Variants in ALX1 observed in about 807,000 individuals in gnomAD.
ALX1 encodes ALX homeobox 1.
In ALX1, 19 loss-of-function variants were observed where a neutral mutation model predicts 31.7. That is an observed-to-expected ratio of 0.60 (90% CI 0.42 to 0.88). The LOEUF (loss-of-function observed/expected upper bound fraction) is 0.88. ALX1 is among the 40% of genes least tolerant of loss of function. ALX1 has a pLI of 0.00. For missense variants in ALX1, 415 were observed against 407.8 expected (o/e 1.02, Z -0.15); for synonymous variants, 153 against 148.8 (o/e 1.03, Z -0.20).
At chr12:85,283,428 G>C (rs890503702) in intron 1 of ALX1, 144 bp from the exon 2 acceptor site, 5 of 829,306 alleles carry the variant, frequency 6.0e-6, no homozygotes, top group Non-Finnish European at 9.7e-6. Flanking sequence ...ATTAAGTATA[G>C]AAATGTGGTA....
chr12:85,283,938 G>C (rs1324078988), intron 2 of ALX1, 62 bp downstream of exon 2: 24 of 1,562,060 alleles, frequency 1.5e-5, no homozygotes, highest in Non-Finnish European at 1.8e-6. Context: ...TAGAATAATT[G>C]AATAAGTGCA....
At chr12:85,292,537 G>A (rs186923340) in intron 3 of ALX1, among the ~76,000 whole-genome samples, 154 of 151,126 alleles carry the variant, frequency 1.0e-3, no homozygotes, top group African/African-American at 3.3e-3. Flanking sequence ...ATTTGAACAC[G>A]CCAAGAGGTA....
intron 2 of ALX1, among the ~76,000 whole-genome samples, 179 bp downstream of exon 2, chr12:85,284,055 C>T (rs932215421): frequency 2.0e-5 from 3 of 151,998 alleles, no homozygotes; most frequent in Non-Finnish European, 4.4e-5. Flanking sequence ...AAAATTTTGA[C>T]AACTCACGCA....
At chr12:85,288,543 A>G (rs1256792964) in intron 3 of ALX1, among the ~76,000 whole-genome samples, 1 of 151,390 alleles carries the variant, frequency 6.6e-6, no homozygotes, top group Non-Finnish European at 1.5e-5. Context: ...TTTCCCCTCT[A>G]GGCTGCAAGC....
intron 3 of ALX1, among the ~76,000 whole-genome samples, chr12:85,295,831 C>T (rs1219689903): frequency 6.6e-6 from 1 of 151,506 alleles, no homozygotes; most frequent in Non-Finnish European, 1.5e-5. Flanking sequence ...GTTAAATAAA[C>T]TTATTTTAGT....
intron 3 of ALX1, among the ~76,000 whole-genome samples, chr12:85,291,020 T>G (rs1164623497): frequency 2.0e-5 from 3 of 151,214 alleles, no homozygotes; most frequent in Non-Finnish European, 3.0e-5. Context: ...TGAGTAATAG[T>G]ACAGGTTCAC....
chr12:85,300,781 GAC>G (rs1038508123), intron 3 of ALX1, among the ~76,000 whole-genome samples: 1 of 151,918 alleles, frequency 6.6e-6, no homozygotes, highest in African/African-American at 2.4e-5. Context: ...TGTTTAGAAA[GAC>G]AAAAACTATC....
At chr12:85,291,822 T>G (rs1896822827) in intron 3 of ALX1, among the ~76,000 whole-genome samples, 2 of 151,024 alleles carry the variant, frequency 1.3e-5, no homozygotes, top group South Asian at 4.1e-4. Context: ...ACTACAGAGG[T>G]GAATCCTGGG....
chr12:85,286,836 T>C lies in ALX1; in HGVS notation c.532-17T>C, dbSNP rs189121824. 5,039 of 1,561,024 alleles carry C rather than the reference T, an allele frequency of 3.2e-3. 12 individuals carry two copies. The highest frequency in any genetic ancestry group is 3.7e-3 in the Non-Finnish European group (4,226 of 1,149,230). On this transcript the variant is annotated splice_polypyrimidine_tract_variant and intron_variant, in intron 2 of 3. Coordinates refer to ENST00000316824, the MANE Select transcript of ALX1 (RefSeq NM_006982.3). ...AATATTCCTTAGCTAAAATTCTAATTTTTATTAAATAATTAGGTTTGGTTT... is the reference window on the plus strand; with the variant it reads ...AATATTCCTTAGCTAAAATTCTAATCTTTATTAAATAATTAGGTTTGGTTT...
At chr12:85,294,937 A>G (rs1896867756) in intron 3 of ALX1, among the ~76,000 whole-genome samples, 1 of 151,336 alleles carries the variant, frequency 6.6e-6, no homozygotes, top group Non-Finnish European at 1.5e-5. Flanking sequence ...TTAATAATAT[A>G]TATTGGAAAA....
chr12:85,291,615 C>T lies in ALX1; in HGVS notation c.660+4634C>T, dbSNP rs143901040. The stretch of plus-strand genomic sequence containing the variant: ...TGTTCTTAGGTTTGGATTACATGAG[C>T]ATTGACATTATTATCTAGATAGATA... On this transcript the variant is annotated intron_variant, in intron 3 of 3. Coordinates refer to ENST00000316824, the MANE Select transcript of ALX1 (RefSeq NM_006982.3). 5.3e-3 allele frequency among the ~76,000 whole-genome samples: 800 copies of T among 151,196 alleles called. 4 individuals are homozygous for T. The highest frequency in any genetic ancestry group is 0.019 in the African/African-American group (778 of 41,426).
chr12:85,301,612 AT>A lies in ALX1; in HGVS notation c.*138del, dbSNP rs1896968313. ...TATTCAGTGAGACCAGCTTAAATGAATAGTTGTTATTTAACATTAAAATCTA... is the reference window on the plus strand; with the variant it reads ...TATTCAGTGAGACCAGCTTAAATGAAAGTTGTTATTTAACATTAAAATCTA... On this transcript the variant is annotated 3_prime_UTR_variant, in exon 4 of 4. Transcript: ENST00000316824. The A allele has an allele frequency of 1.1e-6, 1 of 870,948 alleles. No homozygotes were observed. Among genetic ancestry groups the A allele is most frequent in the Non-Finnish European group, 1.8e-6 (1 of 564,304 alleles). The allele number at this position is 870,948 out of a possible 1,614,324, so 54.0% of individuals were successfully genotyped here.
In ALX1 at chr12:85,281,068, A is replaced by G. The variant is rs141010192; in HGVS notation, c.226+581A>G. Among the ~76,000 whole-genome samples the G allele has an allele frequency of 1.4e-3, 206 of 151,732 alleles. 1 individual carries two copies. Among genetic ancestry groups the G allele is most frequent in the African/African-American group, 4.9e-3 (202 of 40,996 alleles). On this transcript the variant is annotated intron_variant, in intron 1 of 3. Transcript: ENST00000316824. Reference sequence around the variant, plus strand: ...ATCCCTAGATTTCTAGCGTGTGTGAATTTGTAATTTCTGCTTTTTTTTGCG... The same window carrying G: ...ATCCCTAGATTTCTAGCGTGTGTGAGTTTGTAATTTCTGCTTTTTTTTGCG...
intron 3 of ALX1, among the ~76,000 whole-genome samples, chr12:85,295,422 AGT>A (rs1896874860): frequency 1.3e-5 from 2 of 151,602 alleles, no homozygotes; most frequent in South Asian, 4.1e-4. Flanking sequence ...CCCAGAAATC[AGT>A]GTTTTCATTT....
rs753895342 is a variant in ALX1 at position 85,280,534 on chromosome 12, T to A, written c.226+47T>A. 8.2e-6 allele frequency: 13 copies of A among 1,586,476 alleles called. No individual in the cohort carries two copies. In the South Asian group the frequency reaches 1.3e-4, roughly 16 times the overall value. ...CGGAGCCGCCGCAGCCCTTCCGCAA[T>A]CGAAAATGCAGGATCGGTCTGATCA... On this transcript the variant is annotated intron_variant, in intron 1 of 3. Coordinates refer to ENST00000316824, the MANE Select transcript of ALX1 (RefSeq NM_006982.3).
At chr12:85,289,860 T>C (rs1431803462) in intron 3 of ALX1, among the ~76,000 whole-genome samples, 1 of 150,142 alleles carries the variant, frequency 6.7e-6, no homozygotes, top group Non-Finnish European at 1.5e-5. Context: ...AAATGAAATG[T>C]TTTTTTTATC....
intron 3 of ALX1, among the ~76,000 whole-genome samples, chr12:85,289,777 TATATACAAG>T (rs1448339850): frequency 3.0e-4 from 45 of 151,374 alleles, no homozygotes; most frequent in African/African-American, 8.9e-4. Context: ...TTAACTTAAA[TATATACAAG>T]ATACTTTTTT....
Position 85,286,901 on chromosome 12 carries a change from G to A in ALX1, c.580G>A (p.Gly194Ser), listed in dbSNP as rs888180516. 1 of 1,611,806 alleles carries A rather than the reference G, an allele frequency of 6.2e-7. No individual in the cohort carries two copies. Residue 194 changes from glycine (G) to serine (S), a missense_variant, in exon 3 of 4, where the codon GGC becomes AGC. Coordinates refer to ENST00000316824, the MANE Select transcript of ALX1 (RefSeq NM_006982.3). ...CAAATGGAGAAAAAGGGAACGTTAT[G>A]GCCAAATACAACAAGCGAAAAGCCA... ...RAKWRKRERY[G>S]QIQQAKSHFA...
At chr12:85,287,937 C>T (rs1896770609) in intron 3 of ALX1, among the ~76,000 whole-genome samples, 1 of 151,366 alleles carries the variant, frequency 6.6e-6, no homozygotes, top group African/African-American at 2.4e-5. Flanking sequence ...TGATCTGAAC[C>T]CCAAACTTGA....
Sources: allele counts gnomAD v4.1 joint callset (sites outside exome capture counted in the v4.1 genomes callset), GRCh38; gene constraint gnomAD v4.1.1; transcripts MANE v1.5; gene names NCBI Gene and HGNC (gene_info 2026-07-23, HGNC 2026-07-21).